The following ACSS2 variants were observed in gnomAD, a reference collection of about 807,000 sequenced individuals.
The protein encoded by ACSS2 is acetyl-coenzyme A synthetase, cytoplasmic.
Under a neutral mutation model 90.6 loss-of-function variants are expected in ACSS2, and 58 were observed. The ratio of observed to expected loss-of-function variants is 0.64; its 90% CI spans 0.52 to 0.80. ACSS2 has a LOEUF of 0.80. Among genes scored for constraint, ACSS2 ranks in the 30% least tolerant of loss-of-function variants. The probability of loss-of-function intolerance (pLI) is 0.00; values close to 1 mark genes in which losing one functional copy is unlikely to be tolerated. For missense variants in ACSS2, 759 were observed against 912.0 expected (o/e 0.83, Z 2.16); for synonymous variants, 300 against 330.9 (o/e 0.91, Z 1.01).
At chr20:34,925,848 G>A in intron 15 of ACSS2, 82 bp downstream of exon 15, 8 of 1,502,974 alleles carry the variant, frequency 5.3e-6, no homozygotes, top group Middle Eastern at 2.0e-4. Flanking sequence ...CAAGAGCCCA[G>A]GAGTGTCCTT....
At chr20:34,897,755 G>T (rs1216591667) in intron 2 of ACSS2, among the ~76,000 whole-genome samples, 1 of 152,026 alleles carries the variant, frequency 6.6e-6, no homozygotes, top group Admixed American at 6.5e-5. Flanking sequence ...CTTGAACCCA[G>T]GAGACGGAGG....
intron 7 of ACSS2, among the ~76,000 whole-genome samples, chr20:34,918,017 A>G (rs573720783): frequency 5.1e-4 from 78 of 152,182 alleles, no homozygotes; most frequent in African/African-American, 1.9e-3. Flanking sequence ...TTGGCCTCCC[A>G]AAGTGCTGGG....
intron 14 of ACSS2, among the ~76,000 whole-genome samples, chr20:34,924,352 A>G (rs1427385499): frequency 4.6e-5 from 7 of 152,260 alleles, no homozygotes. Flanking sequence ...AAATGCTGTT[A>G]AGAAAAATAA....
intron 2 of ACSS2, among the ~76,000 whole-genome samples, chr20:34,890,784 T>G (rs1323645293): frequency 6.6e-6 from 1 of 152,044 alleles, no homozygotes; most frequent in Non-Finnish European, 1.5e-5. Context: ...TCAATCCTTC[T>G]TCAGGAACTG....
chr20:34,926,402 C>G (rs1002952172), intron 16 of ACSS2, 121 bp downstream of exon 16: 2 of 1,036,928 alleles, frequency 1.9e-6, no homozygotes, highest in Non-Finnish European at 2.8e-6. Context: ...TTCCAGGGGG[C>G]CCCATGGGCT....
intron 2 of ACSS2, among the ~76,000 whole-genome samples, chr20:34,899,261 G>T (rs1463512114): frequency 6.6e-6 from 1 of 152,210 alleles, no homozygotes; most frequent in African/African-American, 2.4e-5. Flanking sequence ...ACAGTGCAGC[G>T]GTGGGCTGAA....
intron 2 of ACSS2, among the ~76,000 whole-genome samples, chr20:34,901,266 TTTTC>T (rs768145884): frequency 1.3e-5 from 2 of 152,190 alleles, no homozygotes; most frequent in Non-Finnish European, 2.9e-5. Flanking sequence ...TTCTCTTTTC[TTTTC>T]TTTCTTTTTT....
At chr20:34,878,889 G>A (rs1466716977) in intron 1 of ACSS2, among the ~76,000 whole-genome samples, 1 of 146,132 alleles carries the variant, frequency 6.8e-6, no homozygotes, top group Non-Finnish European at 1.5e-5. Context: ...TTAAAATTCT[G>A]CTTTTCTTTT....
chr20:34,916,048 A>C (rs2081070831), intron 7 of ACSS2, among the ~76,000 whole-genome samples: 1 of 152,240 alleles, frequency 6.6e-6, no homozygotes, highest in Non-Finnish European at 1.5e-5. Flanking sequence ...TACCATCTTC[A>C]CAGGGTGTCT....
intron 2 of ACSS2, among the ~76,000 whole-genome samples, chr20:34,896,524 T>C (rs572739875): frequency 6.6e-6 from 1 of 152,378 alleles, no homozygotes; most frequent in East Asian, 1.9e-4. Flanking sequence ...GCTGGTCATA[T>C]AAGCAGAGAT....
chr20:34,890,999 A>T (rs187584142), intron 2 of ACSS2, among the ~76,000 whole-genome samples: 1 of 151,222 alleles, frequency 6.6e-6, no homozygotes, highest in East Asian at 2.0e-4. Flanking sequence ...AGTGAACTCC[A>T]GAATATGGAC....
At chr20:34,899,619 A>C (rs1291007513) in intron 2 of ACSS2, among the ~76,000 whole-genome samples, 1 of 151,612 alleles carries the variant, frequency 6.6e-6, no homozygotes, top group Non-Finnish European at 1.5e-5. Flanking sequence ...CCTCCCGAGC[A>C]GCTGAGGTAC....
chr20:34,922,343 CCTG>C (rs1353381396), intron 13 of ACSS2: 1 of 155,060 alleles, frequency 6.4e-6, no homozygotes, highest in East Asian at 1.9e-4. Flanking sequence ...GTGGCTCACA[CCTG>C]TAATCCTAGC....
intron 2 of ACSS2, among the ~76,000 whole-genome samples, chr20:34,905,240 G>A (rs894566841): frequency 6.6e-6 from 1 of 150,808 alleles, no homozygotes; most frequent in Non-Finnish European, 1.5e-5. Flanking sequence ...AAAATTAGTG[G>A]TCAACACATA....
At chr20:34,904,817 G>T (rs1213416524) in intron 2 of ACSS2, among the ~76,000 whole-genome samples, 2 of 149,696 alleles carry the variant, frequency 1.3e-5, no homozygotes, top group Non-Finnish European at 3.0e-5. Context: ...TGAAGGAAAA[G>T]TAGTTTGGTT....
At chr20:34,907,122 T>G (rs1333225653) in intron 2 of ACSS2, among the ~76,000 whole-genome samples, 1 of 147,950 alleles carries the variant, frequency 6.8e-6, no homozygotes, top group South Asian at 2.1e-4. Flanking sequence ...TAAAACAGAA[T>G]GTGTTTTTTT....
chr20:34,927,723 C>G lies in ACSS2; in HGVS notation c.*509C>G, dbSNP rs1454517129. On this transcript the variant is annotated 3_prime_UTR_variant, in exon 18 of 18. Coordinates refer to ENST00000360596, the MANE Select transcript of ACSS2 (RefSeq NM_018677.4). The surrounding 1 kb of genome is among the most constrained non-coding windows in gnomAD (Gnocchi z 4.2). ...GATGCCAGTACTGTCTGCCCATTGG[C>G]TCCAGGGGCTGTATGGGCAGATTCA... is the stretch of plus-strand genomic sequence containing the variant. 3 of 161,356 alleles carry G rather than the reference C, an allele frequency of 1.9e-5. No homozygotes were observed. The highest frequency in any genetic ancestry group is 7.2e-5 in the African/African-American group (3 of 41,626). The allele number at this position is 161,356 out of a possible 1,614,324, so 10.0% of individuals were successfully genotyped here. A position where few individuals can be genotyped will look rare whatever the true frequency, so the allele number is the denominator to read the frequency against.
At chr20:34,877,482 G>T (rs2079944765) in intron 1 of ACSS2, among the ~76,000 whole-genome samples, 1 of 152,132 alleles carries the variant, frequency 6.6e-6, no homozygotes, top group South Asian at 2.1e-4. Flanking sequence ...ATTAGTAATA[G>T]TTCAGAAGTT....
chr20:34,912,719 A>G (rs1010673302), intron 2 of ACSS2, among the ~76,000 whole-genome samples: 3 of 152,200 alleles, frequency 2.0e-5, no homozygotes, highest in African/African-American at 2.4e-5. Context: ...TTTAGGCACA[A>G]GTGATCTGGA....
Sources: allele counts gnomAD v4.1 joint callset (sites outside exome capture counted in the v4.1 genomes callset), GRCh38; gene constraint gnomAD v4.1.1; non-coding constraint Gnocchi (gnomAD v3.1); transcripts MANE v1.5; gene names NCBI Gene and HGNC (gene_info 2026-07-23, HGNC 2026-07-21).